PRUNE2: variants seen among roughly 807,000 people sequenced by gnomAD.
The protein encoded by PRUNE2 is protein prune homolog 2.
In PRUNE2, 164 loss-of-function variants were observed where a neutral mutation model predicts 252.0. The ratio of observed to expected loss-of-function variants is 0.65; its 90% CI spans 0.57 to 0.74. PRUNE2 has a LOEUF of 0.74. Among genes scored for constraint, PRUNE2 ranks in the 30% least tolerant of loss-of-function variants. The pLI is 0.00. For missense variants in PRUNE2, 3,495 were observed against 3,711.0 expected (o/e 0.94, Z 1.51); for synonymous variants, 1,292 against 1,350.2 (o/e 0.96, Z 0.94).
Position 76,760,661 on chromosome 9 carries a change from A to C in PRUNE2, c.757-46940T>G, listed in dbSNP as rs200928645. 3.0e-4 allele frequency among the ~76,000 whole-genome samples: 45 copies of C among 152,216 alleles called. 2 individuals are homozygous for C. The South Asian group carries it at 9.1e-3, about 31-fold the overall frequency. The stretch of plus-strand genomic sequence containing the variant: ...AACAGGTATCACAGTATTCCACATC[A>C]CAGCCACGTCCTACCTCTCCACCCT... On this transcript the variant is annotated intron_variant, in intron 6 of 18. Transcript: ENST00000376718.
intron 1 of PRUNE2, among the ~76,000 whole-genome samples, chr9:76,864,072 A>G (rs1278068736): frequency 6.6e-6 from 1 of 152,232 alleles, no homozygotes; most frequent in Non-Finnish European, 1.5e-5. Flanking sequence ...TTGGATAAAG[A>G]AAATATGGTA....
intron 11 of PRUNE2, among the ~76,000 whole-genome samples, chr9:76,650,578 T>C (rs1340408743): frequency 6.6e-6 from 1 of 152,222 alleles, no homozygotes; most frequent in African/African-American, 2.4e-5. Context: ...AAAATATAGC[T>C]ATTCAGAGGC....
chr9:76,636,587 A>G, intron 14 of PRUNE2, 30 bp from the exon 15 acceptor site: 2 of 1,124,904 alleles, frequency 1.8e-6, no homozygotes, highest in Middle Eastern at 2.0e-4. Flanking sequence ...AAAATACATT[A>G]CTCTTAACCC....
chr9:76,676,244 TAA>T (rs57084757), intron 9 of PRUNE2, among the ~76,000 whole-genome samples: 1 of 143,910 alleles, frequency 6.9e-6, no homozygotes, highest in East Asian at 2.0e-4. Flanking sequence ...GTGAAAACAT[TAA>T]AAAAAAAAAA....
At chr9:76,766,641 G>A (rs536687903) in intron 6 of PRUNE2, among the ~76,000 whole-genome samples, 3 of 151,906 alleles carry the variant, frequency 2.0e-5, no homozygotes, top group South Asian at 2.1e-4. Flanking sequence ...TTCATCCTGC[G>A]CCACTTCCCC....
rs1344746460 is a variant in PRUNE2, at chr9:76,707,744, G to A, written c.4530C>T (p.Thr1510=). The A allele has an allele frequency of 1.2e-6, 2 of 1,613,682 alleles. No homozygotes were observed. The part of the protein sequence containing the change: ...VHVSSTCSEI[T]KNLDVKGSEN... ...CAGACCCCTTAACGTCAAGATTTTT[G>A]GTTATCTCAGAACATGTGCTGCTGA... The change falls in exon 8 of 19, where the codon ACC becomes ACT. Residue 1510 remains threonine (T), a synonymous_variant. Coordinates refer to ENST00000376718, the MANE Select transcript of PRUNE2 (RefSeq NM_015225.3).
At chr9:76,837,868 T>G (rs1034119521) in intron 4 of PRUNE2, among the ~76,000 whole-genome samples, 1 of 151,006 alleles carries the variant, frequency 6.6e-6, no homozygotes, top group Non-Finnish European at 1.5e-5. Context: ...GCCTCCTGGG[T>G]TCACGCCATT....
rs181996477 is a variant in PRUNE2 at position 76,843,888 on chromosome 9, C to T, written c.508+2627G>A. The stretch of plus-strand genomic sequence containing the variant: ...GGATTACAGGCGTCCGCCACCACAC[C>T]GGCTAATTTTTGTATTTTTAGTAGA... On this transcript the variant is annotated intron_variant, in intron 4 of 18. Transcript: ENST00000376718. 2.9e-3 allele frequency among the ~76,000 whole-genome samples: 442 copies of T among 152,058 alleles called. 2 individuals are homozygous for T. Among genetic ancestry groups the T allele is most frequent in the African/African-American group, 6.1e-3 (251 of 41,484 alleles).
intron 9 of PRUNE2, among the ~76,000 whole-genome samples, chr9:76,666,478 A>G (rs1324053586): frequency 2.0e-5 from 3 of 152,208 alleles, no homozygotes; most frequent in East Asian, 3.8e-4. Context: ...AAAATTAGTG[A>G]AAGTACTAAA....
intron 6 of PRUNE2, among the ~76,000 whole-genome samples, chr9:76,801,171 GA>G (rs758334159): frequency 1.8e-4 from 28 of 152,156 alleles, no homozygotes; most frequent in Non-Finnish European, 3.8e-4. Context: ...TATTTTAATT[GA>G]ATGATGTTTC....
In PRUNE2 at chr9:76,847,786, C is replaced by T. The variant is rs1048170367; in HGVS notation, c.345-1108G>A. Among the ~76,000 whole-genome samples, 3 of 152,180 alleles carry T rather than the reference C, an allele frequency of 2.0e-5. No homozygotes were observed. In the East Asian group the frequency reaches 5.8e-4, roughly 29 times the overall value. On this transcript the variant is annotated intron_variant, in intron 3 of 18. Coordinates refer to ENST00000376718, the MANE Select transcript of PRUNE2 (RefSeq NM_015225.3). Reference sequence around the variant, plus strand: ...AAGATTTCTATTTATTTTTGAAAAGCATTCTATTTCATAAACAATTCTAGA... The same window carrying T: ...AAGATTTCTATTTATTTTTGAAAAGTATTCTATTTCATAAACAATTCTAGA...
At chr9:76,678,582 C>A (rs898392434) in intron 9 of PRUNE2, among the ~76,000 whole-genome samples, 2 of 152,118 alleles carry the variant, frequency 1.3e-5, no homozygotes, top group African/African-American at 4.8e-5. Flanking sequence ...ATAATCCCAG[C>A]ACTTTAGGAG....
At chr9:76,760,502 T>C (rs1198326876) in intron 6 of PRUNE2, among the ~76,000 whole-genome samples, 1 of 152,204 alleles carries the variant, frequency 6.6e-6, no homozygotes, top group Non-Finnish European at 1.5e-5. Flanking sequence ...TTATGACTTG[T>C]ATCCAAAACC....
At chr9:76,616,967 A>C (rs949311901) in intron 18 of PRUNE2, among the ~76,000 whole-genome samples, 2 of 151,736 alleles carry the variant, frequency 1.3e-5, no homozygotes, top group Admixed American at 6.6e-5. Context: ...AAAATAAATA[A>C]ATAAATAAAT....
chr9:76,787,942 C>G (rs1376638268), intron 6 of PRUNE2, among the ~76,000 whole-genome samples: 2 of 152,216 alleles, frequency 1.3e-5, no homozygotes, highest in African/African-American at 2.4e-5. Flanking sequence ...TCCATGGTCA[C>G]CAAGCGTTCC....
intron 17 of PRUNE2, among the ~76,000 whole-genome samples, chr9:76,621,801 C>A (rs1259466979): frequency 6.6e-6 from 1 of 152,096 alleles, no homozygotes; most frequent in Non-Finnish European, 1.5e-5. Context: ...CCCACCTCAG[C>A]CTCCCATGTA....
chr9:76,876,513 T>C (rs1225816448), intron 1 of PRUNE2, among the ~76,000 whole-genome samples: 1 of 152,124 alleles, frequency 6.6e-6, no homozygotes, highest in Non-Finnish European at 1.5e-5. Context: ...AATTTTCTCT[T>C]TCTTTCCCTT....
intron 6 of PRUNE2, among the ~76,000 whole-genome samples, chr9:76,772,585 G>A (rs1426201608): frequency 6.6e-6 from 1 of 152,050 alleles, no homozygotes; most frequent in African/African-American, 2.4e-5. Context: ...TTTTTTTAGA[G>A]ACAGGGTCTT....
At chr9:76,795,429 T>C (rs2055998977) in intron 6 of PRUNE2, among the ~76,000 whole-genome samples, 1 of 152,224 alleles carries the variant, frequency 6.6e-6, no homozygotes, top group Non-Finnish European at 1.5e-5. Flanking sequence ...AATGTCATTC[T>C]GTGAATCCCA....
Sources: allele counts gnomAD v4.1 joint callset (sites outside exome capture counted in the v4.1 genomes callset), GRCh38; gene constraint gnomAD v4.1.1; transcripts MANE v1.5; gene names NCBI Gene and HGNC (gene_info 2026-07-23, HGNC 2026-07-21).